The following TARM1 variants were observed in gnomAD, a reference collection of about 807,000 sequenced individuals.
TARM1 encodes T cell-interacting, activating receptor on myeloid cells 1.
TARM1 carries 24 observed loss-of-function variants against 30.4 expected under a neutral mutation model. The ratio of observed to expected loss-of-function variants is 0.79; its 90% CI spans 0.57 to 1.11. The LOEUF is 1.11. TARM1 is among the 50% of genes least tolerant of loss of function. TARM1 has a pLI of 0.00. For missense variants in TARM1, 323 were observed against 332.8 expected, an observed-to-expected ratio of 0.97 and a Z score of 0.23; for synonymous variants, 129 against 138.9, an observed-to-expected ratio of 0.93 and a Z score of 0.50.
intron 1 of TARM1, 67 bp downstream of exon 1, chr19:54,081,240 C>T: frequency 1.3e-6 from 2 of 1,485,550 alleles, no homozygotes. Context: ...ATTTCCATCC[C>T]CAGCCCAACT....
intron 4 of TARM1, among the ~76,000 whole-genome samples, chr19:54,071,843 C>T (rs1241551933): frequency 6.6e-6 from 1 of 151,124 alleles, no homozygotes; most frequent in African/African-American, 2.4e-5. Context: ...AGAAAACAAA[C>T]AAACAAACAA....
At chr19:54,080,963 ACC>A (rs2072115482) in intron 1 of TARM1, among the ~76,000 whole-genome samples, 1 of 152,002 alleles carries the variant, frequency 6.6e-6, no homozygotes, top group Admixed American at 6.6e-5. Context: ...CAAGAGCAAA[ACC>A]CTGTCTCAAA....
chr19:54,073,028 C>A (rs1329317878), intron 4 of TARM1, among the ~76,000 whole-genome samples: 1 of 151,940 alleles, frequency 6.6e-6, no homozygotes, highest in African/African-American at 2.4e-5. Context: ...CTAAGAGATG[C>A]AAAGACTGGT....
intron 1 of TARM1, among the ~76,000 whole-genome samples, chr19:54,077,417 A>G (rs1389255102): frequency 3.9e-5 from 6 of 152,076 alleles, no homozygotes; most frequent in African/African-American, 9.7e-5. Context: ...GAAAAAACAT[A>G]ATATCAAGCC....
At chr19:54,076,148 C>G in intron 1 of TARM1, 2 of 1,484,594 alleles carry the variant, frequency 1.3e-6, no homozygotes, top group East Asian at 2.5e-5. Context: ...TGTCACCTCC[C>G]CCTGCTCCAG....
At chr19:54,078,413 T>C (rs1324974942) in intron 1 of TARM1, among the ~76,000 whole-genome samples, 1 of 151,590 alleles carries the variant, frequency 6.6e-6, no homozygotes, top group Non-Finnish European at 1.5e-5. Context: ...AGTTTCGCTC[T>C]TGTTGCCCAG....
intron 4 of TARM1, among the ~76,000 whole-genome samples, chr19:54,071,580 G>T (rs182660056): frequency 2.8e-4 from 42 of 152,100 alleles, no homozygotes; most frequent in Non-Finnish European, 5.7e-4. Flanking sequence ...CACTGTGGGA[G>T]GCTAAAGTGG....
chr19:54,076,324 CTTTT>C, intron 1 of TARM1: 1 of 762,518 alleles, frequency 1.3e-6, no homozygotes, highest in Admixed American at 4.3e-5. Context: ...CTCTTTCTTT[CTTTT>C]TCTTTCTTTC....
intron 1 of TARM1, among the ~76,000 whole-genome samples, chr19:54,080,676 G>A (rs1255140740): frequency 1.3e-5 from 2 of 151,748 alleles, no homozygotes; most frequent in African/African-American, 2.4e-5. Flanking sequence ...TTTATTTATG[G>A]TATTAAGGTT....
chr19:54,078,114 C>G (rs184848602), intron 1 of TARM1, among the ~76,000 whole-genome samples: 1 of 151,140 alleles, frequency 6.6e-6, no homozygotes, highest in African/African-American at 2.4e-5. Flanking sequence ...CTTGAACTCC[C>G]CACCTCAGGT....
chr19:54,078,716 T>C (rs1233148512), intron 1 of TARM1, among the ~76,000 whole-genome samples: 1 of 149,860 alleles, frequency 6.7e-6, no homozygotes, highest in Non-Finnish European at 1.5e-5. Context: ...TTGCCCAGGC[T>C]AGTCTCGAAC....
rs1240377739 is a variant in TARM1, at chr19:54,070,174, G to T, written c.659-14C>A. 1 of 1,550,864 alleles carries T rather than the reference G, an allele frequency of 6.4e-7. No homozygotes were observed. Among genetic ancestry groups the T allele is most frequent in the Non-Finnish European group, 8.7e-7 (1 of 1,146,514 alleles). On this transcript the variant is annotated splice_polypyrimidine_tract_variant and intron_variant, in intron 4 of 4. Transcript: ENST00000432826. ...TACCTGGGGGAACTGAAAGAGAGAA[G>T]GGGCTCAGCACTGACCCTCAGAGGG...
chr19:54,075,385 C>T (rs2071923761), intron 2 of TARM1, among the ~76,000 whole-genome samples: 1 of 151,754 alleles, frequency 6.6e-6, no homozygotes, highest in African/African-American at 2.4e-5. Flanking sequence ...AAGGTTTCAC[C>T]ATGTTGGCCA....
At chr19:54,076,316 C>T (rs1409404972) in intron 1 of TARM1, 1 of 989,006 alleles carries the variant, frequency 1.0e-6, no homozygotes, top group Non-Finnish European at 1.4e-6. Context: ...GAGTCTCGCT[C>T]TTTCTTTCTT....
intron 3 of TARM1, among the ~76,000 whole-genome samples, 163 bp from the exon 4 acceptor site, chr19:54,074,379 C>A (rs2146211610): frequency 6.6e-6 from 1 of 152,294 alleles, no homozygotes; most frequent in South Asian, 2.1e-4. Flanking sequence ...CAGAGATTCT[C>A]CCTCCTACAA....
rs148774277 is a variant in TARM1 at position 54,074,661 on chromosome 19, C to T, written c.361+163G>A. ...TGGCACCACTGCACTCTGGCCTGGGCGACAAAGTATAAAACCAACATATGC... is the reference window on the plus strand; with the variant it reads ...TGGCACCACTGCACTCTGGCCTGGGTGACAAAGTATAAAACCAACATATGC... On this transcript the variant is annotated intron_variant, in intron 3 of 4. Transcript: ENST00000432826. Among the ~76,000 whole-genome samples the T allele has an allele frequency of 2.7e-3, 406 of 152,184 alleles. 2 individuals carry two copies. The highest frequency in any genetic ancestry group is 8.3e-3 in the African/African-American group (345 of 41,532).
intron 1 of TARM1, 193 bp from the exon 2 acceptor site, chr19:54,076,111 A>C (rs4806706): frequency 0.31 from 448,858 of 1,465,316 alleles, 72,728 homozygotes; most frequent in East Asian, 0.67. Context: ...CCTTTCCCAG[A>C]GATTCTCCTT....
chr19:54,079,019 G>A (rs2072028841), intron 1 of TARM1, among the ~76,000 whole-genome samples: 1 of 150,766 alleles, frequency 6.6e-6, no homozygotes, highest in African/African-American at 2.4e-5. Flanking sequence ...CACTTTGGGA[G>A]GCCGAGACAG....
In TARM1 at chr19:54,080,120, G is replaced by GAAAGA. The variant is rs2072069877; in HGVS notation, c.34+1186_34+1187insTCTTT. On this transcript the variant is annotated intron_variant, in intron 1 of 4. Transcript: ENST00000432826. Reference sequence around the variant, plus strand: ...GGAAGGAAGGAAGGAAGGAAGGAAGGAAGGAAGGAAGGAAGGAAGAAAGCA... The same window carrying GAAAGA: ...GGAAGGAAGGAAGGAAGGAAGGAAGGAAAGAAAGGAAGGAAGGAAGGAAGAAAGCA... Among the ~76,000 whole-genome samples, 141 of 27,668 alleles carry GAAAGA rather than the reference G, an allele frequency of 5.1e-3. 11 individuals carry two copies. The highest frequency in any genetic ancestry group is 0.012 in the African/African-American group (90 of 7,350). The allele number at this position is 27,668 out of a possible 152,430, so 18.2% of individuals were successfully genotyped here.
Sources: gnomAD v4.1 joint callset for allele counts (sites outside exome capture counted in the v4.1 genomes callset) on GRCh38, gnomAD v4.1.1 for gene constraint, MANE v1.5 for transcripts, NCBI Gene and HGNC (gene_info 2026-07-23, HGNC 2026-07-21) for gene names.